Variants in SH3D19 observed in about 807,000 individuals in gnomAD.
SH3D19 encodes SH3 domain-containing protein 19.
Under a neutral mutation model 112.1 loss-of-function variants are expected in SH3D19, and 58 were observed. The ratio of observed to expected loss-of-function variants is 0.52; its 90% confidence interval spans 0.42 to 0.64. The LOEUF (loss-of-function observed/expected upper bound fraction) is 0.64. SH3D19 is among the 30% of genes least tolerant of loss of function. The pLI is 0.00. For missense variants in SH3D19, 1,090 were observed against 1,263.4 expected, an observed-to-expected ratio of 0.86 and a Z score of 2.08; for synonymous variants, 391 against 448.5, an observed-to-expected ratio of 0.87 and a Z score of 1.62.
intron 2 of SH3D19, among the ~76,000 whole-genome samples, chr4:151,206,128 C>T (rs138163760): frequency 3.6e-4 from 55 of 152,206 alleles, no homozygotes; most frequent in African/African-American, 1.1e-3. Context: ...TCAGAAGCAA[C>T]GGTGGAGGAA....
intron 19 of SH3D19, among the ~76,000 whole-genome samples, chr4:151,125,130 A>C (rs1012347035): frequency 6.6e-6 from 1 of 152,100 alleles, no homozygotes; most frequent in African/African-American, 2.4e-5. Flanking sequence ...AACTGATAGA[A>C]GGTTACGAGT....
At chr4:151,271,276 A>G (rs906922697) in intron 1 of SH3D19, among the ~76,000 whole-genome samples, 8 of 152,216 alleles carry the variant, frequency 5.3e-5, no homozygotes, top group African/African-American at 1.9e-4. Flanking sequence ...TCATTTTCCA[A>G]TATAGTAGAC....
At position 151,174,207 on chromosome 4, in the gene SH3D19, A is replaced by C. The variant is rs573304730; in HGVS notation, c.1534+463T>G. Among the ~76,000 whole-genome samples the C allele has an allele frequency of 2.6e-5, 4 of 152,222 alleles. No individual in the cohort carries two copies. In the South Asian group the frequency reaches 8.3e-4, roughly 32 times the overall value. On this transcript the variant is annotated intron_variant, in intron 7 of 19. Transcript: ENST00000604030. ...CAGCTGAGGCCCATTTCATCTGAGG[A>C]GCCCCTCTGGGGCCACTGCATGACT...
At position 151,132,425 on chromosome 4, in the gene SH3D19, A is replaced by T. The variant is rs1579664009; in HGVS notation, c.2690-42T>A. ...AACAAACACAAGAAGTCAGAACATT[A>T]GATGTGAAGGCCACATAGTATTAAA... On this transcript the variant is annotated intron_variant, in intron 16 of 19. Coordinates refer to ENST00000604030, the MANE Select transcript of SH3D19 (RefSeq NM_001378122.1). 1.9e-6 allele frequency: 3 copies of T among 1,568,136 alleles called. No homozygotes were observed. In the East Asian group the frequency reaches 6.7e-5, roughly 35 times the overall value.
At chr4:151,313,786 A>G (rs12646254) in intron 1 of SH3D19, among the ~76,000 whole-genome samples, 97,341 of 151,954 alleles carry the variant, frequency 0.64, 31,751 homozygotes, top group East Asian at 0.81. Flanking sequence ...GAGCTAGCCT[A>G]TATGTTGAGG....
chr4:151,228,885 C>T (rs764911307), intron 1 of SH3D19, among the ~76,000 whole-genome samples: 32 of 147,660 alleles, frequency 2.2e-4, no homozygotes, highest in Non-Finnish European at 4.0e-4. Flanking sequence ...GACAAGGTTT[C>T]GCTCTGTACT....
intron 1 of SH3D19, among the ~76,000 whole-genome samples, chr4:151,306,783 C>T (rs1225621323): frequency 6.6e-6 from 1 of 152,200 alleles, no homozygotes; most frequent in East Asian, 1.9e-4. Flanking sequence ...TGTTCAGTGT[C>T]ACTGTCCCTT....
intron 1 of SH3D19, among the ~76,000 whole-genome samples, chr4:151,258,495 G>A (rs984369899): frequency 1.3e-5 from 2 of 152,190 alleles, no homozygotes; most frequent in African/African-American, 4.8e-5. Context: ...TAGGCAGAGG[G>A]AAGTGTGTGA....
At chr4:151,214,523 A>T in intron 2 of SH3D19, among the ~76,000 whole-genome samples, 3 of 128,220 alleles carry the variant, frequency 2.3e-5, no homozygotes, top group Non-Finnish European at 3.4e-5. Context: ...CTCACTTCCC[A>T]GTAGGGGCGG....
chr4:151,309,806 A>C (rs922906768), intron 1 of SH3D19, among the ~76,000 whole-genome samples: 1 of 152,080 alleles, frequency 6.6e-6, no homozygotes, highest in Admixed American at 6.5e-5. Context: ...CCTGGGCAAC[A>C]CATTGAGACC....
chr4:151,191,951 T>TC lies in SH3D19; in HGVS notation c.153-4489_153-4488insG, dbSNP rs1762722927. Among the ~76,000 whole-genome samples, 11 of 67,364 alleles carry TC rather than the reference T, an allele frequency of 1.6e-4. 1 individual carries two copies. The highest frequency in any genetic ancestry group is 3.6e-4 in the Non-Finnish European group (9 of 25,304). The allele number at this position is 67,364 out of a possible 152,430, so 44.2% of individuals were successfully genotyped here. A position where few individuals can be genotyped will look rare whatever the true frequency, so the allele number is the denominator to read the frequency against. On this transcript the variant is annotated intron_variant, in intron 2 of 19. Transcript: ENST00000604030. The stretch of plus-strand genomic sequence containing the variant: ...TGAGCCACCACACCCAGCCCTTTTT[T>TC]TTTTTTTTTTTTGATACAGAGTCTT...
intron 1 of SH3D19, among the ~76,000 whole-genome samples, chr4:151,287,004 A>AATG (rs1774862270): frequency 1.3e-5 from 2 of 149,054 alleles, no homozygotes; most frequent in South Asian, 4.2e-4. Context: ...TAATAATAAT[A>AATG]ATAATAGTAA....
chr4:151,206,993 C>A (rs1393677668), intron 2 of SH3D19, among the ~76,000 whole-genome samples: 2 of 152,120 alleles, frequency 1.3e-5, no homozygotes, highest in Non-Finnish European at 2.9e-5. Flanking sequence ...CCTCCAGAAA[C>A]CATGGCTGTC....
chr4:151,124,739 G>C (rs748101062), intron 19 of SH3D19, among the ~76,000 whole-genome samples: 10 of 151,852 alleles, frequency 6.6e-5, no homozygotes, highest in Non-Finnish European at 1.3e-4. Context: ...AAAAAAATTA[G>C]TTTTATCTAT....
At chr4:151,260,452 A>G (rs1200049628) in intron 1 of SH3D19, among the ~76,000 whole-genome samples, 2 of 151,790 alleles carry the variant, frequency 1.3e-5, no homozygotes, top group Non-Finnish European at 2.9e-5. Context: ...CAAATATTGT[A>G]TCTCACTTTC....
chr4:151,196,797 T>C (rs1032117195), intron 2 of SH3D19, among the ~76,000 whole-genome samples: 4 of 151,448 alleles, frequency 2.6e-5, no homozygotes, highest in East Asian at 1.9e-4. Flanking sequence ...AGTCAGCAAG[T>C]AAAAAACAAA....
intron 1 of SH3D19, among the ~76,000 whole-genome samples, chr4:151,277,406 T>C (rs113949758): frequency 2.7e-4 from 41 of 152,096 alleles, no homozygotes; most frequent in Middle Eastern, 3.4e-3. Flanking sequence ...GAAATAGCAG[T>C]ACACACACAC....
intron 19 of SH3D19, among the ~76,000 whole-genome samples, chr4:151,126,871 GA>G (rs78715609): frequency 0.75 from 83,205 of 110,798 alleles, 32,200 homozygotes; most frequent in Middle Eastern, 0.89. Flanking sequence ...TTTCTTCGGT[GA>G]AAAAAAAAAA....
chr4:151,243,656 T>C (rs1212466768), intron 1 of SH3D19, among the ~76,000 whole-genome samples: 2 of 152,238 alleles, frequency 1.3e-5, no homozygotes, highest in Non-Finnish European at 2.9e-5. Context: ...TGCTATTATT[T>C]TGAAAACTGA....
Sources: allele counts gnomAD v4.1 joint callset (sites outside exome capture counted in the v4.1 genomes callset), GRCh38; gene constraint gnomAD v4.1.1; transcripts MANE v1.5; gene names NCBI Gene and HGNC (gene_info 2026-07-23, HGNC 2026-07-21).